The following ACSM5 variants were observed in gnomAD, a reference collection of about 807,000 sequenced individuals.
The protein encoded by ACSM5 is acyl-CoA synthetase medium chain family member 5.
In ACSM5, 56 loss-of-function variants were observed where a neutral mutation model predicts 71.6. The observed-to-expected ratio is 0.78, with a 90% CI of 0.63 to 0.98. The LOEUF (loss-of-function observed/expected upper bound fraction) is 0.98. ACSM5 is among the 50% of genes least tolerant of loss of function. The pLI is 0.00. For synonymous variants in ACSM5, 285 were observed against 281.5 expected, an observed-to-expected ratio of 1.01 and a Z score of -0.12; for missense variants, 723 against 726.0, an observed-to-expected ratio of 1.00 and a Z score of 0.05.
chr16:20,414,679 G>GT (rs1966853298), intron 2 of ACSM5, among the ~76,000 whole-genome samples: 1 of 152,196 alleles, frequency 6.6e-6, no homozygotes, highest in Admixed American at 6.5e-5. Context: ...AATGAGAGCT[G>GT]TAATAAATAC....
intron 1 of ACSM5, among the ~76,000 whole-genome samples, chr16:20,410,709 G>A (rs893776261): frequency 6.6e-6 from 1 of 152,130 alleles, no homozygotes; most frequent in African/African-American, 2.4e-5. Flanking sequence ...CTGGGCAGCA[G>A]AGTGAGACTC....
At chr16:20,414,483 A>G (rs1214211731) in intron 2 of ACSM5, among the ~76,000 whole-genome samples, 1 of 152,244 alleles carries the variant, frequency 6.6e-6, no homozygotes, top group Non-Finnish European at 1.5e-5. Context: ...TAAAGCATCC[A>G]GTAGGAAAAC....
chr16:20,418,267 C>T lies in ACSM5; in HGVS notation c.413C>T (p.Thr138Ile). 1 of 1,608,984 alleles carries T rather than the reference C, an allele frequency of 6.2e-7. No homozygotes were observed. Among genetic ancestry groups the T allele is most frequent in the Non-Finnish European group, 8.5e-7 (1 of 1,178,266 alleles). The change falls in exon 3 of 14, where the codon ACA (threonine) becomes ATA (isoleucine). Residue 138 changes from threonine (T) to isoleucine (I), a missense_variant and splice_region_variant. Coordinates refer to ENST00000331849, the MANE Select transcript of ACSM5 (RefSeq NM_017888.3). ...WWLVSVACMR[T>I]GTVMIPGVTQ... ...CTGGTCAGTGTGGCTTGCATGCGGA[C>T]AGGTCAGTAAGCAGGGCTGGGAATT... is the stretch of plus-strand genomic sequence containing the variant.
chr16:20,436,327 G>T (rs552563481), intron 10 of ACSM5, among the ~76,000 whole-genome samples: 115 of 140,826 alleles, frequency 8.2e-4, no homozygotes, highest in African/African-American at 3.0e-3. Flanking sequence ...AGCCCAGGCT[G>T]CAGTGCAGTG....
intron 10 of ACSM5, among the ~76,000 whole-genome samples, chr16:20,432,985 G>A (rs1967130352): frequency 6.7e-6 from 1 of 149,898 alleles, no homozygotes; most frequent in African/African-American, 2.5e-5. Context: ...AGTCTCCCAA[G>A]TAACTGGGAC....
intron 7 of ACSM5, among the ~76,000 whole-genome samples, chr16:20,428,512 G>A (rs12926771): frequency 0.086 from 13,125 of 152,198 alleles, 694 homozygotes; most frequent in East Asian, 0.19. Flanking sequence ...GAGGCCCACT[G>A]TCCTTCAGTA....
At chr16:20,439,117 T>C (rs1029815843) in intron 12 of ACSM5, among the ~76,000 whole-genome samples, 2 of 148,750 alleles carry the variant, frequency 1.3e-5, no homozygotes, top group African/African-American at 5.0e-5. Flanking sequence ...ACCCCTTTAA[T>C]AGAATACTGT....
At chr16:20,438,811 C>T (rs139253161) in intron 12 of ACSM5, among the ~76,000 whole-genome samples, 1,611 of 150,964 alleles carry the variant, frequency 0.011, 38 homozygotes, top group African/African-American at 0.035. Context: ...AAAAATTAGC[C>T]AGGCGTGGCG....
chr16:20,419,205 CA>C (rs1481417000), intron 3 of ACSM5, 22 bp from the exon 4 acceptor site: 1 of 1,613,380 alleles, frequency 6.2e-7, no homozygotes, highest in South Asian at 1.1e-5. Context: ...ATCCACTCAA[CA>C]TCCCCTTCTG....
In ACSM5 at chr16:20,418,200, G is replaced by A; in HGVS notation, c.346G>A (p.Asp116Asn). 6.2e-7 allele frequency: 1 copy of A among 1,612,848 alleles called. No individual in the cohort carries two copies. Among genetic ancestry groups the A allele is most frequent in the South Asian group, 1.1e-5 (1 of 90,996 alleles). The stretch of plus-strand genomic sequence containing the variant: ...GGGTGCATGCGGCCTGCAGCCTGGG[G>A]ACAGAATGATGCTGGTACTCCCACG... ...LGGACGLQPG[D>N]RMMLVLPRLP... The change falls in exon 3 of 14, where the codon GAC becomes AAC. Residue 116 changes from aspartate (D) to asparagine (N), a missense_variant. By Grantham distance (23) the Asp-to-Asn change is conservative. Transcript: ENST00000331849.
At chr16:20,411,709 G>T in intron 2 of ACSM5, 21 bp downstream of exon 2, 1 of 1,612,684 alleles carries the variant, frequency 6.2e-7, no homozygotes, top group Non-Finnish European at 8.5e-7. Context: ...TTCTGTCCTA[G>T]AGTCCATCTG....
chr16:20,437,982 C>T (rs2141663038), intron 12 of ACSM5, among the ~76,000 whole-genome samples: 1 of 152,192 alleles, frequency 6.6e-6, no homozygotes, highest in South Asian at 2.1e-4. Context: ...CATGTCACCA[C>T]ACCTGGCTAA....
chr16:20,435,714 A>C (rs7498421), intron 10 of ACSM5, among the ~76,000 whole-genome samples: 66,570 of 152,080 alleles, frequency 0.44, 15,585 homozygotes, highest in East Asian at 0.77. Flanking sequence ...TGGAATCACA[A>C]ACTATTCCAG....
intron 6 of ACSM5, among the ~76,000 whole-genome samples, chr16:20,425,422 C>CT (rs1204586201): frequency 1.2e-4 from 19 of 152,046 alleles, no homozygotes; most frequent in East Asian, 1.9e-4. Context: ...ATAGTAGATT[C>CT]TTTTTTTAAA....
At chr16:20,430,040 A>G (rs368329890) in intron 8 of ACSM5, among the ~76,000 whole-genome samples, 3 of 152,184 alleles carry the variant, frequency 2.0e-5, no homozygotes. Context: ...TTGGAGACTC[A>G]GAAGGAAGAA....
chr16:20,411,280 A>G (rs1305047296), intron 1 of ACSM5, among the ~76,000 whole-genome samples, 190 bp from the exon 2 acceptor site: 6 of 152,226 alleles, frequency 3.9e-5, no homozygotes, highest in African/African-American at 1.2e-4. Flanking sequence ...TCAAAAGGAC[A>G]GACCTCGGGG....
rs551989778 is a variant in ACSM5 at position 20,431,881 on chromosome 16, G to A, written c.1308+560G>A. On this transcript the variant is annotated intron_variant, in intron 10 of 13. Transcript: ENST00000331849. The stretch of plus-strand genomic sequence containing the variant: ...CAGGAGAATTGCTTGAACCAGGGAG[G>A]TTGCCGTGAGCCAGGATCATTCCAC... Among the ~76,000 whole-genome samples, 139 of 151,910 alleles carry A rather than the reference G, an allele frequency of 9.2e-4. 1 individual carries two copies. The highest frequency in any genetic ancestry group is 1.7e-3 in the Non-Finnish European group (115 of 67,974).
At chr16:20,412,764 A>G (rs1380561998) in intron 2 of ACSM5, among the ~76,000 whole-genome samples, 1 of 152,230 alleles carries the variant, frequency 6.6e-6, no homozygotes, top group Non-Finnish European at 1.5e-5. Context: ...CCAAAAAGTG[A>G]AAAAAGAAAA....
chr16:20,419,471 A>C (rs1303343700), intron 4 of ACSM5, 36 bp downstream of exon 4: 1 of 1,595,816 alleles, frequency 6.3e-7, no homozygotes, highest in African/African-American at 1.3e-5. Flanking sequence ...AGAAAAATGA[A>C]GTCATTTCCC....
Sources: gnomAD v4.1 joint callset for allele counts (sites outside exome capture counted in the v4.1 genomes callset) on GRCh38, gnomAD v4.1.1 for gene constraint, MANE v1.5 for transcripts, NCBI Gene and HGNC (gene_info 2026-07-23, HGNC 2026-07-21) for gene names.